The following GLUL variants were observed in gnomAD, a reference collection of about 807,000 sequenced individuals.
GLUL encodes the protein glutamine synthetase.
GLUL carries 8 observed loss-of-function variants against 36.9 expected under a neutral mutation model. The ratio of observed to expected loss-of-function variants is 0.22; its 90% CI spans 0.13 to 0.39. The LOEUF is 0.39. Among genes scored for constraint, GLUL ranks in the 10% least tolerant of loss-of-function variants. The pLI, the probability that GLUL is intolerant of heterozygous loss-of-function variation, is 1.00. For synonymous variants in GLUL, 182 were observed against 172.8 expected, an observed-to-expected ratio of 1.05 and a Z score of -0.42; for missense variants, 315 against 501.8, an observed-to-expected ratio of 0.63 and a Z score of 3.56.
At chr1:182,387,334 A>C in intron 2 of GLUL, 42 bp from the exon 3 acceptor site, 1 of 1,469,202 alleles carries the variant, frequency 6.8e-7, no homozygotes, top group East Asian at 2.3e-5. Context: ...AACATACAGG[A>C]GCTTTCCAAG....
intron 1 of GLUL, 23 bp from the exon 2 acceptor site, chr1:182,388,773 C>T (rs1558164395): frequency 6.3e-7 from 1 of 1,585,726 alleles, no homozygotes; most frequent in Non-Finnish European, 8.7e-7. Context: ...AAAAGAATAA[C>T]ATTGTTAACG....
At chr1:182,385,708 C>A in intron 5 of GLUL, 52 bp downstream of exon 5, 1 of 1,608,742 alleles carries the variant, frequency 6.2e-7, no homozygotes, top group South Asian at 1.1e-5. Flanking sequence ...TAGCAAAAGT[C>A]CTATGTACAC....
rs1650137516 is a variant in GLUL at position 182,385,512 on chromosome 1, A to G, written c.648T>C (p.Asp216=). 1 of 1,613,944 alleles carries G rather than the reference A, an allele frequency of 6.2e-7. No homozygotes were observed. The highest frequency in any genetic ancestry group is 8.5e-7 in the Non-Finnish European group (1 of 1,179,972). ...AGATGAAACGGGCCACCCAGAGATG[A>G]TCTCCCATGCTGATTCCTTCACAAG... ...IGPCEGISMG[D]HLWVARFILH... The change falls in exon 6 of 7, where the codon GAT becomes GAC. Residue 216 remains aspartate, a synonymous_variant. Transcript: ENST00000331872.
chr1:182,380,736 G>A lies in GLUL; in HGVS notation c.*3669C>T, dbSNP rs1478096293. Among the ~76,000 whole-genome samples, 1 of 152,206 alleles carries A rather than the reference G, an allele frequency of 6.6e-6. No individual in the cohort carries two copies. The highest frequency in any genetic ancestry group is 1.5e-5 in the Non-Finnish European group (1 of 68,030). On this transcript the variant is annotated 3_prime_UTR_variant, in exon 7 of 7. Coordinates refer to ENST00000331872, the MANE Select transcript of GLUL (RefSeq NM_001033044.4). ...AAAAATAACTTATTAAATAAGTATT[G>A]CAGGCACTACAACAGGTCTCAAGAT...
chr1:182,388,883 C>A, intron 1 of GLUL, 133 bp from the exon 2 acceptor site: 2 of 739,310 alleles, frequency 2.7e-6, no homozygotes, highest in Admixed American at 2.0e-5. Flanking sequence ...GAAGTCAACA[C>A]ACAAAAAGTT....
At position 182,380,576 on chromosome 1, in the gene GLUL, G is replaced by GT. The variant is rs1182283193; in HGVS notation, c.*3828dup. On this transcript the variant is annotated 3_prime_UTR_variant, in exon 7 of 7. Transcript: ENST00000331872. ...CTCACAAAGTGTTGGGATCACAGGCGTAAGCCACTTCACCTGGCCTTGATT... is the reference window on the plus strand; with the variant it reads ...CTCACAAAGTGTTGGGATCACAGGCGTTAAGCCACTTCACCTGGCCTTGATT... Among the ~76,000 whole-genome samples the GT allele has an allele frequency of 6.6e-6, 1 of 152,224 alleles. No homozygotes were observed. The highest frequency in any genetic ancestry group is 1.5e-5 in the Non-Finnish European group (1 of 68,044).
chr1:182,383,688 A>G lies in GLUL; in HGVS notation c.*717T>C, dbSNP rs886045611. On this transcript the variant is annotated 3_prime_UTR_variant, in exon 7 of 7. Coordinates refer to ENST00000331872, the MANE Select transcript of GLUL (RefSeq NM_001033044.4). ...ACCTGGATGGTTTTTTCCTTTAGCA[A>G]AACACACATAATCCACAAAACCATA... is the stretch of plus-strand genomic sequence containing the variant. The G allele has an allele frequency of 2.0e-5, 3 of 152,252 alleles. No individual in the cohort carries two copies. Among genetic ancestry groups the G allele is most frequent in the African/African-American group, 7.2e-5 (3 of 41,442 alleles). 9.4% of individuals were successfully genotyped at this position (152,252 alleles called of 1,614,324 possible).
chr1:182,389,954 AC>A (rs1408833184), intron 1 of GLUL: 1 of 152,118 alleles, frequency 6.6e-6, no homozygotes, highest in African/African-American at 2.4e-5. Context: ...CCATCCCAGA[AC>A]CCTTTAGCTC....
rs1280574665 is a variant in GLUL, at chr1:182,380,794, C to T, written c.*3611G>A. Among the ~76,000 whole-genome samples, 2 of 152,222 alleles carry T rather than the reference C, an allele frequency of 1.3e-5. No individual in the cohort carries two copies. Among genetic ancestry groups the T allele is most frequent in the African/African-American group, 4.8e-5 (2 of 41,454 alleles). Reference sequence around the variant, plus strand: ...TGAGCAAGAAAAACAGGATCTCTTGCTTTCATGAAGTTCAACTAGAAAGTC... The same window carrying T: ...TGAGCAAGAAAAACAGGATCTCTTGTTTTCATGAAGTTCAACTAGAAAGTC... On this transcript the variant is annotated 3_prime_UTR_variant, in exon 7 of 7. Transcript: ENST00000331872.
intron 4 of GLUL, 161 bp downstream of exon 4, chr1:182,386,095 T>A: frequency 1.1e-6 from 1 of 885,082 alleles, no homozygotes; most frequent in Non-Finnish European, 1.9e-6. Context: ...TTACTTTATA[T>A]ATTCATATCC....
chr1:182,386,828 T>C, intron 3 of GLUL: 1 of 492,244 alleles, frequency 2.0e-6, no homozygotes, highest in Non-Finnish European at 3.7e-6. Flanking sequence ...CATTTGTCCA[T>C]TGGTTTACAT....
In GLUL at chr1:182,380,892, G is replaced by C. The variant is rs1339349635; in HGVS notation, c.*3513C>G. On this transcript the variant is annotated 3_prime_UTR_variant, in exon 7 of 7. Coordinates refer to ENST00000331872, the MANE Select transcript of GLUL (RefSeq NM_001033044.4). Reference sequence around the variant, plus strand: ...CTTAGTGGTAAAAGGGCCAAGAATAGTTCAGGAACTTCTCATCCACTTGTC... The same window carrying C: ...CTTAGTGGTAAAAGGGCCAAGAATACTTCAGGAACTTCTCATCCACTTGTC... Among the ~76,000 whole-genome samples, 2 of 152,242 alleles carry C rather than the reference G, an allele frequency of 1.3e-5. No homozygotes were observed. The highest frequency in any genetic ancestry group is 4.8e-5 in the African/African-American group (2 of 41,472).
chr1:182,390,864 C>G (rs1650384584), intron 1 of GLUL: 1 of 399,016 alleles, frequency 2.5e-6, no homozygotes, highest in Non-Finnish European at 4.4e-6. Flanking sequence ...TTCCCGCCCC[C>G]GAGGGAGTTA....
rs753703707 is a variant in GLUL, at chr1:182,386,358, T to C, written c.373A>G (p.Ser125Gly). 74 of 1,611,298 alleles carry C rather than the reference T, an allele frequency of 4.6e-5. No individual in the cohort carries two copies. Among genetic ancestry groups the C allele is most frequent in the Non-Finnish European group, 5.9e-5 (69 of 1,177,482 alleles). The change falls in exon 4 of 7, where the codon AGC becomes GGC. Residue 125 changes from serine to glycine, a missense_variant. This residue lies in a region of GLUL where 256 missense variants were observed against 396.1 expected (regional missense o/e 0.65). Transcript: ENST00000331872. ...HTCKRIMDMV[S>G]NQHPWFGMEQ... is the part of the protein sequence containing the mutation. ...ATGCCAAACCAGGGGTGCTGGTTGC[T>C]CACCATGTCCATTATCCGTTTACAG...
In GLUL at chr1:182,388,647, T is replaced by A; in HGVS notation, c.91A>T (p.Ile31Phe). Residue 31 changes from isoleucine (I) to phenylalanine (F), a missense_variant, in exon 2 of 7, where the codon ATC becomes TTC. Physicochemically the swap from Ile to Phe is conservative, Grantham distance 21 (BLOSUM62 0). Transcript: ENST00000331872. ...CCTTCTCCAGTACCATCGATCCAGA[T>A]ATACATGGCCTGGACTTTCTCACCC... Reference protein sequence around the residue: ...PQGEKVQAMYIWIDGTGEGLR... With the variant: ...PQGEKVQAMYFWIDGTGEGLR... 6.2e-7 allele frequency: 1 copy of A among 1,613,498 alleles called. No homozygotes were observed. The highest frequency in any genetic ancestry group is 1.7e-4 in the Middle Eastern group (1 of 6,060).
At position 182,384,701 on chromosome 1, in the gene GLUL, T is replaced by C. The variant is rs761476070; in HGVS notation, c.826A>G (p.Lys276Glu). The C allele has an allele frequency of 9.9e-6, 16 of 1,613,910 alleles. No homozygotes were observed. The South Asian group carries it at 1.6e-4, about 17-fold the overall frequency. Reference protein sequence around the residue: ...GLKYIEEAIEKLSKRHQYHIR... With the variant: ...GLKYIEEAIEELSKRHQYHIR... Reference sequence around the variant, plus strand: ...TGGTACTGGTGCCGCTTGCTTAGTTTCTCAATGGCCTCCTCGATGTACCTA... The same window carrying C: ...TGGTACTGGTGCCGCTTGCTTAGTTCCTCAATGGCCTCCTCGATGTACCTA... Residue 276 changes from lysine (K) to glutamate (E), a missense_variant, in exon 7 of 7, where the codon AAA becomes GAA. Coordinates refer to ENST00000331872, the MANE Select transcript of GLUL (RefSeq NM_001033044.4).
Position 182,378,457 on chromosome 1 carries a change from C to T in GLUL, c.*5948G>A, listed in dbSNP as rs1649811702. On this transcript the variant is annotated 3_prime_UTR_variant, in exon 7 of 7. Coordinates refer to ENST00000331872, the MANE Select transcript of GLUL (RefSeq NM_001033044.4). ...TGACAGTGTCCGACAACCTCCTGTC[C>T]ATAAAGCATGGCAGAGTGGGTAATT... Among the ~76,000 whole-genome samples the T allele has an allele frequency of 2.6e-5, 4 of 152,174 alleles. No homozygotes were observed. The highest frequency in any genetic ancestry group is 2.6e-4 in the Admixed American group (4 of 15,282).
At position 182,379,434 on chromosome 1, in the gene GLUL, G is replaced by A. The variant is rs1432697960; in HGVS notation, c.*4971C>T. ...GACAAGGTTTCACCATGTTGGCCAC[G>A]CTGGTCTCGAACTCCTGAACTCAGG... is the stretch of plus-strand genomic sequence containing the variant. On this transcript the variant is annotated 3_prime_UTR_variant, in exon 7 of 7. Transcript: ENST00000331872. Among the ~76,000 whole-genome samples, 1 of 151,826 alleles carries A rather than the reference G, an allele frequency of 6.6e-6. No individual in the cohort carries two copies. Among genetic ancestry groups the A allele is most frequent in the East Asian group, 1.9e-4 (1 of 5,144 alleles).
chr1:182,384,696 T>G lies in GLUL; in HGVS notation c.831A>C (p.Leu277=). The G allele has an allele frequency of 2.5e-6, 4 of 1,614,096 alleles. No individual in the cohort carries two copies. The Middle Eastern group carries it at 4.9e-4, about 200-fold the overall frequency. ...LKYIEEAIEK[L]SKRHQYHIRA... is the part of the protein sequence containing the mutation. ...GGATGTGGTACTGGTGCCGCTTGCT[T>G]AGTTTCTCAATGGCCTCCTCGATGT... The change falls in exon 7 of 7, where the codon CTA becomes CTC. Residue 277 remains leucine, a synonymous_variant. Transcript: ENST00000331872.
Sources: gnomAD v4.1 joint callset for allele counts (sites outside exome capture counted in the v4.1 genomes callset) on GRCh38, gnomAD v4.1.1 for gene constraint, gnomAD v4.1.1 regional missense constraint, MANE v1.5 for transcripts, NCBI Gene and HGNC (gene_info 2026-07-23, HGNC 2026-07-21) for gene names.